Variants in RABL2A observed in about 807,000 individuals in gnomAD.
RABL2A encodes the protein rab-like protein 2A.
Under a neutral mutation model 30.7 loss-of-function variants are expected in RABL2A, and 17 were observed. The observed-to-expected ratio is 0.55, with a 90% CI of 0.38 to 0.83. The LOEUF is 0.83. Ranked by LOEUF, RABL2A falls within the 40% of genes least tolerant of loss-of-function variation. The pLI, the probability that RABL2A is intolerant of heterozygous loss-of-function variation, is 0.00. For synonymous variants in RABL2A, 64 were observed against 101.8 expected (o/e 0.63, Z 2.24); for missense variants, 155 against 272.6 (o/e 0.57, Z 3.04).
At chr2:113,630,132 T>C (rs542454727) in intron 2 of RABL2A, among the ~76,000 whole-genome samples, 1 of 152,246 alleles carries the variant, frequency 6.6e-6, no homozygotes, top group East Asian at 1.9e-4. Context: ...AGAATCCAAG[T>C]AGTTAACTTG....
chr2:113,627,727 G>A (rs1187090187), intron 1 of RABL2A: 2 of 258,440 alleles, frequency 7.7e-6, no homozygotes, highest in East Asian at 1.5e-4. Context: ...AGGCTGCAGT[G>A]AGCCGTGATC....
chr2:113,636,784 C>G lies in RABL2A; in HGVS notation c.297+1654C>G, dbSNP rs571748428. 6.8e-4 allele frequency among the ~76,000 whole-genome samples: 103 copies of G among 152,098 alleles called. No homozygotes were observed. The South Asian group carries it at 0.011, about 16-fold the overall frequency. ...CGGGCGGATCACGAGGTCAGGAGAT[C>G]GAGACCATCCTGGCTAACACAGTGA... On this transcript the variant is annotated intron_variant, in intron 5 of 8. Transcript: ENST00000683472.
At chr2:113,635,775 G>T (rs1176642274) in intron 5 of RABL2A, among the ~76,000 whole-genome samples, 1 of 152,140 alleles carries the variant, frequency 6.6e-6, no homozygotes, top group Admixed American at 6.5e-5. Context: ...ACTTTTAAAT[G>T]CTGAAAAGGA....
In RABL2A at chr2:113,643,058, T is replaced by A. The variant is rs557377523; in HGVS notation, c.*929T>A. On this transcript the variant is annotated 3_prime_UTR_variant, in exon 9 of 9. Coordinates refer to ENST00000683472, the MANE Select transcript of RABL2A (RefSeq NM_001306158.2). ...AGGAACAGCAGGTGACAGGCCTAGC[T>A]ATAGTTAGGAATACACAAGCGGTAA... is the stretch of plus-strand genomic sequence containing the variant. 2.3e-6 allele frequency: 1 copy of A among 438,378 alleles called. No homozygotes were observed. The highest frequency in any genetic ancestry group is 4.5e-6 in the Non-Finnish European group (1 of 220,944). The allele number at this position is 438,378 out of a possible 1,614,324, so 27.2% of individuals were successfully genotyped here. A position where few individuals can be genotyped will look rare whatever the true frequency, so the allele number is the denominator to read the frequency against.
At chr2:113,639,765 A>C (rs1269882722) in intron 5 of RABL2A, among the ~76,000 whole-genome samples, 4 of 151,962 alleles carry the variant, frequency 2.6e-5, no homozygotes, top group Non-Finnish European at 5.9e-5. Context: ...CTGAGACAAG[A>C]GAATCACTTG....
intron 5 of RABL2A, among the ~76,000 whole-genome samples, chr2:113,639,266 A>G (rs1250730056): frequency 6.6e-6 from 1 of 152,210 alleles, no homozygotes; most frequent in East Asian, 1.9e-4. Flanking sequence ...AGCCTGGCTG[A>G]CAGAGTAAGA....
intron 5 of RABL2A, among the ~76,000 whole-genome samples, chr2:113,636,804 C>A (rs867494147): frequency 6.6e-6 from 1 of 151,892 alleles, no homozygotes; most frequent in Admixed American, 6.6e-5. Flanking sequence ...CTGGCTAACA[C>A]AGTGAAACCC....
chr2:113,635,345 A>G, intron 5 of RABL2A: 1 of 582,400 alleles, frequency 1.7e-6, no homozygotes, highest in Non-Finnish European at 3.1e-6. Flanking sequence ...GGTGGAGAAA[A>G]GGTGGAACAG....
At chr2:113,632,443 G>C (rs1680738011) in intron 2 of RABL2A, among the ~76,000 whole-genome samples, 1 of 152,250 alleles carries the variant, frequency 6.6e-6, no homozygotes, top group African/African-American at 2.4e-5. Context: ...TTACAGGCGT[G>C]TGTCGCCACA....
intron 4 of RABL2A, chr2:113,634,651 C>A: frequency 2.4e-6 from 1 of 409,718 alleles, no homozygotes; most frequent in Non-Finnish European, 4.6e-6. Context: ...GGGTCATAAT[C>A]TTCTCCTTGG....
chr2:113,627,619 CG>C lies in RABL2A; in HGVS notation c.-54+220del, dbSNP rs1678574857. Among the ~76,000 whole-genome samples, 4 of 152,330 alleles carry C rather than the reference CG, an allele frequency of 2.6e-5. No individual in the cohort carries two copies. The South Asian group carries it at 8.3e-4, about 32-fold the overall frequency. On this transcript the variant is annotated intron_variant, in intron 1 of 8. Coordinates refer to ENST00000683472, the MANE Select transcript of RABL2A (RefSeq NM_001306158.2). ...AAAGATAGCATACCCACTTAGATGG[CG>C]AGGACATCGACAAGCAAGTCTTCGC...
chr2:113,629,488 T>A (rs1483820480), intron 2 of RABL2A, among the ~76,000 whole-genome samples: 1 of 151,990 alleles, frequency 6.6e-6, no homozygotes, highest in Admixed American at 6.6e-5. Flanking sequence ...TCTCTCTCTC[T>A]CTCTCTCTTC....
chr2:113,634,259 T>A, intron 4 of RABL2A, 27 bp downstream of exon 4: 1 of 1,597,990 alleles, frequency 6.3e-7, no homozygotes, highest in African/African-American at 1.3e-5. Context: ...CAAGACATGC[T>A]GACCCTCAGG....
rs184186348 is a variant in RABL2A at position 113,640,928 on chromosome 2, A to G, written c.332A>G (p.Asn111Ser). The G allele has an allele frequency of 1.9e-6, 3 of 1,613,806 alleles. No homozygotes were observed. The highest frequency in any genetic ancestry group is 2.5e-6 in the Non-Finnish European group (3 of 1,179,848). The change falls in exon 6 of 9, where the codon AAC becomes AGC. Residue 111 changes from asparagine (N) to serine (S), a missense_variant. Asn to Ser is a conservative substitution (Grantham distance 46). This residue lies in a region of RABL2A where 82 missense variants were observed against 103.2 expected (regional missense o/e 0.79). Transcript: ENST00000683472. Reference protein sequence around the residue: ...FDIQRKVTYRNLSTWYTELRE... With the variant: ...FDIQRKVTYRSLSTWYTELRE... ...ATACAGAGGAAAGTCACCTATAGGA[A>G]CCTGAGCACCTGGTATACAGAGCTT...
chr2:113,642,902 A>G lies in RABL2A; in HGVS notation c.*773A>G, dbSNP rs1685664241. The G allele has an allele frequency of 8.2e-5, 25 of 306,644 alleles. No homozygotes were observed. The highest frequency in any genetic ancestry group is 5.8e-4 in the South Asian group (24 of 41,098). The allele number at this position is 306,644 out of a possible 1,614,324, so 19.0% of individuals were successfully genotyped here. The stretch of plus-strand genomic sequence containing the variant: ...CGGCCTCCCAAAGTGCTGGGATTAC[A>G]GGCATGAGCCACCGCGCCCGGCCCC... On this transcript the variant is annotated 3_prime_UTR_variant, in exon 9 of 9. Coordinates refer to ENST00000683472, the MANE Select transcript of RABL2A (RefSeq NM_001306158.2).
At chr2:113,636,482 G>GT (rs1384381643) in intron 5 of RABL2A, among the ~76,000 whole-genome samples, 2 of 152,328 alleles carry the variant, frequency 1.3e-5, no homozygotes, top group East Asian at 3.9e-4. Context: ...TGCTCACAGA[G>GT]TATCAGCCAA....
At chr2:113,633,562 C>A (rs1681256358) in intron 3 of RABL2A, 1 of 197,310 alleles carries the variant, frequency 5.1e-6, no homozygotes, top group South Asian at 9.3e-5. Flanking sequence ...GTATGTGTTA[C>A]TCCACCTTGT....
At chr2:113,639,184 G>T (rs1032372861) in intron 5 of RABL2A, among the ~76,000 whole-genome samples, 1 of 152,128 alleles carries the variant, frequency 6.6e-6, no homozygotes, top group African/African-American at 2.4e-5. Context: ...CTACTCAGGA[G>T]GCTGAGGTAG....
intron 5 of RABL2A, among the ~76,000 whole-genome samples, chr2:113,639,842 T>A (rs1160042104): frequency 3.3e-5 from 4 of 121,174 alleles, no homozygotes; most frequent in African/African-American, 1.1e-4. Context: ...GGTAACAGAG[T>A]GAGACTCCGT....
Sources: allele counts gnomAD v4.1 joint callset (sites outside exome capture counted in the v4.1 genomes callset), GRCh38; gene constraint gnomAD v4.1.1; regional missense constraint gnomAD v4.1.1; transcripts MANE v1.5; gene names NCBI Gene and HGNC (gene_info 2026-07-23, HGNC 2026-07-21).